FMR1: variants seen among roughly 807,000 people sequenced by gnomAD.
The protein encoded by FMR1 is FMRP translational regulator 1.
A neutral mutation model predicts 50.6 loss-of-function variants in FMR1; 13 were observed. The observed-to-expected ratio is 0.26, with a 90% CI of 0.17 to 0.41. The LOEUF (loss-of-function observed/expected upper bound fraction) is 0.41, where lower values mean the gene tolerates loss of function less well. Among genes scored for constraint, FMR1 ranks in the 10% least tolerant of loss-of-function variants. The pLI is 1.00. For synonymous variants in FMR1, 138 were observed against 164.1 expected (o/e 0.84, Z 1.22); for missense variants, 316 against 491.3 (o/e 0.64, Z 3.37).
At chrX:147,929,482 AC>A (rs1279284862) in intron 5 of FMR1, among the ~76,000 whole-genome samples, 8 of 109,388 alleles carry the variant, frequency 7.3e-5, no homozygotes, top group Non-Finnish European at 3.8e-5. Context: ...GCAGTTTCTT[AC>A]CCCATTCTCC....
chrX:147,929,006 C>G (rs1170772964), intron 5 of FMR1, among the ~76,000 whole-genome samples, 199 bp downstream of exon 5: 2 of 112,050 alleles, frequency 1.8e-5, no homozygotes, highest in Non-Finnish European at 3.8e-5. Context: ...TCAAGGCAGC[C>G]TTGCGCTTGT....
intron 9 of FMR1, chrX:147,933,681 T>TA: frequency 1.3e-6 from 1 of 768,650 alleles, no homozygotes. Flanking sequence ...AATTGGGACA[T>TA]ACTGCCTATA....
Position 147,949,413 on chromosome X carries a change from A to G in FMR1, c.*569A>G, listed in dbSNP as rs1557182933. ...GTGCCTTTTTTATATCTTGGCAGGTAGGAATATTATATTTGGATGCAGAGT... is the reference window on the plus strand; with the variant it reads ...GTGCCTTTTTTATATCTTGGCAGGTGGGAATATTATATTTGGATGCAGAGT... On this transcript the variant is annotated 3_prime_UTR_variant, in exon 17 of 17. Coordinates refer to ENST00000370475, the MANE Select transcript of FMR1 (RefSeq NM_002024.6). 2 of 329,570 alleles carry G rather than the reference A, an allele frequency of 6.1e-6. No homozygotes were observed. Among genetic ancestry groups the G allele is most frequent in the Non-Finnish European group, 5.9e-6 (1 of 169,989 alleles). 27.2% of individuals were successfully genotyped at this position (329,570 alleles called of 1,213,427 possible). A position where few individuals can be genotyped will look rare whatever the true frequency, so the allele number is the denominator to read the frequency against.
At chrX:147,916,957 C>T (rs185908006) in intron 1 of FMR1, among the ~76,000 whole-genome samples, 41 of 112,231 alleles carry the variant, frequency 3.7e-4, no homozygotes, top group African/African-American at 1.2e-3. Context: ...AGGCTGATCT[C>T]AAGTTATCTG....
In FMR1 at chrX:147,949,119, A is replaced by G. The variant is rs1176894770; in HGVS notation, c.*275A>G. ...AGTTTTATTTTCTAAAGTACTGAGC[A>G]GTGATATTCTTTGTTAATTTGGACC... On this transcript the variant is annotated 3_prime_UTR_variant, in exon 17 of 17. Transcript: ENST00000370475. 1.4e-5 allele frequency: 6 copies of G among 430,959 alleles called. No individual in the cohort carries two copies. The highest frequency in any genetic ancestry group is 2.5e-5 in the Non-Finnish European group (6 of 236,274). The allele number at this position is 430,959 out of a possible 1,213,427, so 35.5% of individuals were successfully genotyped here.
At chrX:147,918,026 C>T (rs1557175579) in intron 1 of FMR1, among the ~76,000 whole-genome samples, 1 of 111,867 alleles carries the variant, frequency 8.9e-6, no homozygotes, top group Non-Finnish European at 1.9e-5. Context: ...CCTCCTCAAC[C>T]TCTCTTCTCT....
chrX:147,940,413 T>A (rs1266032745), intron 12 of FMR1, 163 bp from the exon 13 acceptor site: 3 of 475,988 alleles, frequency 6.3e-6, no homozygotes, highest in African/African-American at 4.8e-5. Flanking sequence ...TGTAAAGTAG[T>A]ATATCAACTA....
At chrX:147,920,128 G>A (rs1183187153) in intron 1 of FMR1, among the ~76,000 whole-genome samples, 2 of 111,936 alleles carry the variant, frequency 1.8e-5, no homozygotes, top group African/African-American at 6.5e-5. Context: ...TTTCTCCCAA[G>A]AGTTTTATAA....
chrX:147,918,555 C>CTTTTTTTTTTTTTTTTTTTT lies in FMR1; in HGVS notation c.52-3372_52-3353dup, dbSNP rs368581020. 5.1e-4 allele frequency among the ~76,000 whole-genome samples: 24 copies of CTTTTTTTTTTTTTTTTTTTT among 47,279 alleles called. 2 individuals are homozygous for CTTTTTTTTTTTTTTTTTTTT. The highest frequency in any genetic ancestry group is 7.5e-4 in the African/African-American group (7 of 9,275). 41.1% of individuals were successfully genotyped at this position (47,279 alleles called of 115,157 possible). On this transcript the variant is annotated intron_variant, in intron 1 of 16. Transcript: ENST00000370475. Reference sequence around the variant, plus strand: ...GAAATGCATTCAGAGCCTGCAAAAGCTTTTTTTTTTTTTTTTTTTTTTTTT... The same window carrying CTTTTTTTTTTTTTTTTTTTT: ...GAAATGCATTCAGAGCCTGCAAAAGCTTTTTTTTTTTTTTTTTTTTTTTTTTTTTTTTTTTTTTTTTTTTT...
intron 9 of FMR1, among the ~76,000 whole-genome samples, chrX:147,934,205 G>GTT (rs548035697): frequency 3.2e-4 from 32 of 100,031 alleles, no homozygotes; most frequent in African/African-American, 9.7e-4. Flanking sequence ...TAGTTGTTTT[G>GTT]TTTTTTTTTT....
chrX:147,947,405 A>G (rs1346062170), intron 16 of FMR1: 3 of 78,025 alleles, frequency 3.8e-5, no homozygotes, highest in African/African-American at 1.5e-4. Flanking sequence ...AGAGCAAAAC[A>G]CCATCTCAAA....
chrX:147,920,217 G>A (rs920460880), intron 1 of FMR1, among the ~76,000 whole-genome samples: 1 of 111,859 alleles, frequency 8.9e-6, no homozygotes, highest in Non-Finnish European at 1.9e-5. Flanking sequence ...AGGTTGAAAC[G>A]TATTCTTTTT....
At chrX:147,935,639 A>G (rs916550828) in intron 9 of FMR1, among the ~76,000 whole-genome samples, 4 of 112,112 alleles carry the variant, frequency 3.6e-5, no homozygotes, top group Non-Finnish European at 5.6e-5. Flanking sequence ...CACTCGTGTC[A>G]TGATGCAAAT....
chrX:147,919,804 G>A (rs1434544785), intron 1 of FMR1, among the ~76,000 whole-genome samples: 1 of 111,919 alleles, frequency 8.9e-6, no homozygotes, highest in Non-Finnish European at 1.9e-5. Flanking sequence ...CCCTGTCTCA[G>A]CTTCCATAGT....
rs1557173978 is a variant in FMR1, at chrX:147,912,170, TGAAGA to T, written c.-4_1del. The T allele has an allele frequency of 8.8e-6, 10 of 1,139,149 alleles. No individual in the cohort carries two copies. The highest frequency in any genetic ancestry group is 1.2e-5 in the Non-Finnish European group (10 of 859,676). The allele number at this position is 1,139,149 out of a possible 1,213,427, so 93.9% of individuals were successfully genotyped here. ...GGCGGGCTCCCGGCGCTAGCAGGGC[TGAAGA>T]GAAGATGGAGGAGCTGGTGGTGGAA... On this transcript the variant is annotated 5_prime_UTR_variant, in exon 1 of 17. Coordinates refer to ENST00000370475, the MANE Select transcript of FMR1 (RefSeq NM_002024.6).
chrX:147,949,879 T>C lies in FMR1; in HGVS notation c.*1035T>C, dbSNP rs1557183148. 3 of 325,301 alleles carry C rather than the reference T, an allele frequency of 9.2e-6. No homozygotes were observed. The highest frequency in any genetic ancestry group is 1.8e-5 in the Non-Finnish European group (3 of 169,063). 26.8% of individuals were successfully genotyped at this position (325,301 alleles called of 1,213,427 possible). A position where few individuals can be genotyped will look rare whatever the true frequency, so the allele number is the denominator to read the frequency against. On this transcript the variant is annotated 3_prime_UTR_variant, in exon 17 of 17. Coordinates refer to ENST00000370475, the MANE Select transcript of FMR1 (RefSeq NM_002024.6). ...TGGAGAGATAGGAAGGTCATTTCCA[T>C]GTATGCATAATAATCCTGCAAAGTA...
intron 13 of FMR1, among the ~76,000 whole-genome samples, chrX:147,941,249 A>G (rs180714563): frequency 8.9e-6 from 1 of 111,868 alleles, no homozygotes; most frequent in East Asian, 2.8e-4. Context: ...TGGATGGGCA[A>G]TGCAGCAATT....
At chrX:147,945,383 G>A in intron 15 of FMR1, 151 bp from the exon 16 acceptor site, 1 of 517,135 alleles carries the variant, frequency 1.9e-6, no homozygotes. Flanking sequence ...CAGCAGGCTA[G>A]ATTATTAGCC....
At chrX:147,935,634 G>A (rs1304855230) in intron 9 of FMR1, among the ~76,000 whole-genome samples, 3 of 111,701 alleles carry the variant, frequency 2.7e-5, no homozygotes, top group East Asian at 2.8e-4. Flanking sequence ...TTTACCACTC[G>A]TGTCATGATG....
Sources: allele counts gnomAD v4.1 joint callset (sites outside exome capture counted in the v4.1 genomes callset), GRCh38; gene constraint gnomAD v4.1.1; transcripts MANE v1.5; gene names NCBI Gene and HGNC (gene_info 2026-07-23, HGNC 2026-07-21).